RNGTT: variants seen among roughly 807,000 people sequenced by gnomAD.
RNGTT encodes RNA guanylyltransferase and 5'-phosphatase, also known as mRNA-capping enzyme.
In RNGTT, 33 loss-of-function variants were observed where a neutral mutation model predicts 79.3. That is an observed-to-expected ratio of 0.42 (90% CI 0.32 to 0.56). The LOEUF (loss-of-function observed/expected upper bound fraction) is 0.56. Ranked by LOEUF, RNGTT falls within the 20% of genes least tolerant of loss-of-function variation. The pLI is 0.17. For missense variants in RNGTT, 497 were observed against 739.1 expected, an observed-to-expected ratio of 0.67 and a Z score of 3.80; for synonymous variants, 222 against 235.9, an observed-to-expected ratio of 0.94 and a Z score of 0.54.
At chr6:88,959,745 G>A (rs768768017) in intron 1 of RNGTT, among the ~76,000 whole-genome samples, 2 of 151,220 alleles carry the variant, frequency 1.3e-5, no homozygotes, top group African/African-American at 2.4e-5. Flanking sequence ...ATCTCATCTC[G>A]ATGCTGAAAA....
At chr6:88,886,430 C>T (rs1020765410) in intron 8 of RNGTT, among the ~76,000 whole-genome samples, 11 of 152,104 alleles carry the variant, frequency 7.2e-5, no homozygotes, top group Non-Finnish European at 1.5e-4. Flanking sequence ...ATCTGAATAA[C>T]GTCAATAATC....
intron 6 of RNGTT, among the ~76,000 whole-genome samples, chr6:88,895,349 A>G (rs1330797013): frequency 1.3e-5 from 2 of 152,116 alleles, no homozygotes; most frequent in African/African-American, 4.8e-5. Context: ...CGTTGTATTC[A>G]AAGAAATGAT....
intron 11 of RNGTT, among the ~76,000 whole-genome samples, chr6:88,813,564 G>A (rs768065460): frequency 1.3e-5 from 2 of 152,122 alleles, no homozygotes; most frequent in Non-Finnish European, 2.9e-5. Context: ...CTTTTGCTCG[G>A]TAACATTTTT....
intron 13 of RNGTT, among the ~76,000 whole-genome samples, chr6:88,740,693 T>C (rs1777457949): frequency 6.6e-6 from 1 of 151,884 alleles, no homozygotes; most frequent in Admixed American, 6.6e-5. Context: ...TTCTCACTCA[T>C]AAGTGGAAGG....
intron 10 of RNGTT, among the ~76,000 whole-genome samples, chr6:88,845,836 A>G (rs1290559004): frequency 6.6e-6 from 1 of 152,234 alleles, no homozygotes; most frequent in Non-Finnish European, 1.5e-5. Context: ...TATTGGGGAA[A>G]TGCTAGTAAA....
chr6:88,617,917 T>C (rs1772294151), intron 14 of RNGTT, among the ~76,000 whole-genome samples: 1 of 151,506 alleles, frequency 6.6e-6, no homozygotes, highest in Admixed American at 6.6e-5. Context: ...CATGATGACA[T>C]AGGAAGGCTG....
chr6:88,927,520 G>C (rs771205696), intron 4 of RNGTT, among the ~76,000 whole-genome samples: 1 of 152,050 alleles, frequency 6.6e-6, no homozygotes, highest in Non-Finnish European at 1.5e-5. Flanking sequence ...TAATTAGCCG[G>C]GCATGGTGGC....
chr6:88,764,894 TA>T (rs1582432728), intron 13 of RNGTT, among the ~76,000 whole-genome samples: 1 of 152,116 alleles, frequency 6.6e-6, no homozygotes, highest in African/African-American at 2.4e-5. Context: ...ATGTGATAGG[TA>T]AAAAATTACA....
chr6:88,822,866 C>T (rs2127881037), intron 11 of RNGTT, among the ~76,000 whole-genome samples: 1 of 152,192 alleles, frequency 6.6e-6, no homozygotes, highest in South Asian at 2.1e-4. Context: ...ACAAATGGTG[C>T]TAGAATAACA....
chr6:88,707,953 CA>C (rs1047457314), intron 13 of RNGTT, among the ~76,000 whole-genome samples: 6 of 151,450 alleles, frequency 4.0e-5, no homozygotes, highest in African/African-American at 1.5e-4. Flanking sequence ...TAAAAGAAAC[CA>C]AAAAAATCAA....
At chr6:88,818,011 G>A (rs915295098) in intron 11 of RNGTT, among the ~76,000 whole-genome samples, 1 of 151,326 alleles carries the variant, frequency 6.6e-6, no homozygotes, top group Admixed American at 6.6e-5. Flanking sequence ...CGCCCGTCTC[G>A]GCCTCCCAAA....
intron 11 of RNGTT, among the ~76,000 whole-genome samples, chr6:88,812,888 A>T (rs1780187048): frequency 6.6e-6 from 1 of 152,188 alleles, no homozygotes; most frequent in Non-Finnish European, 1.5e-5. Flanking sequence ...TTCATCTATC[A>T]TTTAAGGATT....
intron 13 of RNGTT, among the ~76,000 whole-genome samples, chr6:88,766,268 A>G (rs975024161): frequency 2.6e-5 from 4 of 152,138 alleles, no homozygotes; most frequent in Non-Finnish European, 2.9e-5. Context: ...CTAAAATACT[A>G]TTCTATACAA....
chr6:88,678,295 G>T, intron 14 of RNGTT, 58 bp downstream of exon 14: 3 of 1,571,362 alleles, frequency 1.9e-6, no homozygotes, highest in Non-Finnish European at 2.6e-6. Context: ...GCAAGGTTTT[G>T]ATGGATTCTA....
intron 12 of RNGTT, among the ~76,000 whole-genome samples, chr6:88,796,890 A>G (rs1562257635): frequency 6.6e-6 from 1 of 152,186 alleles, no homozygotes; most frequent in Non-Finnish European, 1.5e-5. Context: ...ACAAAATTGA[A>G]TATGTAAACT....
chr6:88,749,956 T>C (rs1016759198), intron 13 of RNGTT, among the ~76,000 whole-genome samples: 19 of 152,278 alleles, frequency 1.2e-4, no homozygotes, highest in African/African-American at 4.6e-4. Context: ...CGTGCAGCTA[T>C]AGCACTTCAG....
chr6:88,731,989 G>A (rs1777131914), intron 13 of RNGTT, among the ~76,000 whole-genome samples: 1 of 152,092 alleles, frequency 6.6e-6, no homozygotes, highest in Admixed American at 6.6e-5. Context: ...TTCACTAAGT[G>A]GAAGTGAGTC....
intron 12 of RNGTT, among the ~76,000 whole-genome samples, chr6:88,787,222 C>T (rs1224750887): frequency 6.6e-6 from 1 of 152,084 alleles, no homozygotes; most frequent in Non-Finnish European, 1.5e-5. Context: ...AACAGCAAAA[C>T]ACACAGGGAA....
intron 13 of RNGTT, among the ~76,000 whole-genome samples, chr6:88,699,558 C>CT (rs560146214): frequency 7.1e-4 from 108 of 152,236 alleles, no homozygotes; most frequent in Admixed American, 1.2e-3. Context: ...TGGCACACGC[C>CT]TGTAGTCCCA....
Sources: allele counts gnomAD v4.1 joint callset (sites outside exome capture counted in the v4.1 genomes callset), GRCh38; gene constraint gnomAD v4.1.1; transcripts MANE v1.5; gene names NCBI Gene and HGNC (gene_info 2026-07-23, HGNC 2026-07-21).